CADM2: variants seen among roughly 807,000 people sequenced by gnomAD.
The protein encoded by CADM2 is cell adhesion molecule 2.
In CADM2, 12 loss-of-function variants were observed where a neutral mutation model predicts 49.8. The ratio of observed to expected loss-of-function variants is 0.24; its 90% CI spans 0.15 to 0.39. The LOEUF is 0.39. Ranked by LOEUF, CADM2 falls within the 10% of genes least tolerant of loss-of-function variation. The pLI is 1.00. For synonymous variants in CADM2, 214 were observed against 175.4 expected (o/e 1.22, Z -1.74); for missense variants, 378 against 492.3 (o/e 0.77, Z 2.20).
chr3:85,235,180 T>C (rs1318358270), intron 1 of CADM2, among the ~76,000 whole-genome samples: 1 of 152,138 alleles, frequency 6.6e-6, no homozygotes, highest in African/African-American at 2.4e-5. Flanking sequence ...TAAAACCTTA[T>C]AGAATATTTC....
intron 2 of CADM2, among the ~76,000 whole-genome samples, chr3:85,736,610 T>A (rs564886449): frequency 1.3e-5 from 2 of 152,276 alleles, no homozygotes; most frequent in South Asian, 4.1e-4. Context: ...GCCTTGATAT[T>A]TACAGGGTTT....
intron 1 of CADM2, among the ~76,000 whole-genome samples, chr3:85,092,771 G>A (rs776842648): frequency 9.9e-5 from 15 of 151,958 alleles, no homozygotes; most frequent in South Asian, 2.1e-4. Context: ...AATTCATTCT[G>A]CACATAGCTA....
intron 1 of CADM2, among the ~76,000 whole-genome samples, chr3:85,119,219 T>A (rs941743885): frequency 6.6e-6 from 1 of 152,104 alleles, no homozygotes; most frequent in African/African-American, 2.4e-5. Context: ...CAAGACTAGC[T>A]TGGGCAACAT....
chr3:85,736,694 G>A (rs965302072), intron 2 of CADM2, among the ~76,000 whole-genome samples: 1 of 152,040 alleles, frequency 6.6e-6, no homozygotes, highest in Non-Finnish European at 1.5e-5. Flanking sequence ...AAGAACAATG[G>A]GAAGCCATTA....
rs144210035 is a variant in CADM2, at chr3:85,974,541, C to T, written c.970+12894C>T. On this transcript the variant is annotated intron_variant, in intron 8 of 9. Coordinates refer to ENST00000383699, the MANE Select transcript of CADM2 (RefSeq NM_001167675.2). ...GGTGGTGCAGTTTTGGAGTTCCTAT[C>T]AGAGTCACGCAGGTTAAGCAGGAGA... 7.2e-5 allele frequency among the ~76,000 whole-genome samples: 11 copies of T among 151,728 alleles called. No individual in the cohort carries two copies. The East Asian group carries it at 2.2e-3, about 30-fold the overall frequency.
At chr3:85,867,989 C>G (rs1052804648) in intron 3 of CADM2, among the ~76,000 whole-genome samples, 1 of 152,014 alleles carries the variant, frequency 6.6e-6, no homozygotes, top group Admixed American at 6.5e-5. Context: ...TTCAAATAGT[C>G]AATTTCAATA....
chr3:85,241,897 C>G (rs2042538947), intron 1 of CADM2, among the ~76,000 whole-genome samples: 1 of 151,450 alleles, frequency 6.6e-6, no homozygotes, highest in South Asian at 2.1e-4. Flanking sequence ...AATAAATTTT[C>G]TGAACAATGT....
rs35500944 is a variant in CADM2, at chr3:85,518,422, C to CTTTT, written c.62-208089_62-208086dup. ...AACATTTCGTTTAAAACAATCTAGG[C>CTTTT]TTTTTTTTTTTTTTAAATCAAATCC... On this transcript the variant is annotated intron_variant, in intron 1 of 9. Transcript: ENST00000383699. Among the ~76,000 whole-genome samples, 615 of 142,578 alleles carry CTTTT rather than the reference C, an allele frequency of 4.3e-3. 5 individuals carry two copies. The highest frequency in any genetic ancestry group is 0.014 in the African/African-American group (560 of 39,478). 93.5% of individuals were successfully genotyped at this position (142,578 alleles called of 152,430 possible). A position where few individuals can be genotyped will look rare whatever the true frequency, so the allele number is the denominator to read the frequency against.
chr3:85,444,443 T>TCA (rs4053296), intron 1 of CADM2, among the ~76,000 whole-genome samples: 73,284 of 147,872 alleles, frequency 0.5, 21,208 homozygotes, highest in East Asian at 0.87. Flanking sequence ...TCCTACACAC[T>TCA]CACACACACA....
intron 3 of CADM2, among the ~76,000 whole-genome samples, chr3:85,835,529 A>G (rs900316418): frequency 6.6e-6 from 1 of 151,062 alleles, no homozygotes; most frequent in Non-Finnish European, 1.5e-5. Flanking sequence ...CTTCCCTGAT[A>G]TATCAAATAT....
chr3:85,487,940 T>G (rs2039498885), intron 1 of CADM2, among the ~76,000 whole-genome samples: 1 of 152,124 alleles, frequency 6.6e-6, no homozygotes, highest in Admixed American at 6.5e-5. Flanking sequence ...CCCTGCTAAT[T>G]TCACACCCCA....
intron 7 of CADM2, among the ~76,000 whole-genome samples, chr3:85,945,067 T>C (rs962739796): frequency 2.6e-5 from 4 of 151,616 alleles, no homozygotes; most frequent in Non-Finnish European, 5.9e-5. Flanking sequence ...AAGAATCAAA[T>C]AGATGCAATA....
chr3:85,694,876 C>G (rs1315586892), intron 1 of CADM2, among the ~76,000 whole-genome samples: 4 of 151,944 alleles, frequency 2.6e-5, no homozygotes, highest in Non-Finnish European at 4.4e-5. Flanking sequence ...ACAGAAGAAT[C>G]CCCAGAAGTT....
chr3:85,360,493 T>C (rs2032278966), intron 1 of CADM2, among the ~76,000 whole-genome samples: 1 of 152,322 alleles, frequency 6.6e-6, no homozygotes, highest in Admixed American at 6.5e-5. Flanking sequence ...TGCTGGTTGG[T>C]CATTACAACT....
At chr3:85,262,259 T>C (rs1283222972) in intron 1 of CADM2, among the ~76,000 whole-genome samples, 1 of 152,122 alleles carries the variant, frequency 6.6e-6, no homozygotes, top group Admixed American at 6.6e-5. Flanking sequence ...TTCAGGATTT[T>C]AATTTTATTC....
chr3:85,733,291 G>A (rs1379596505), intron 2 of CADM2, among the ~76,000 whole-genome samples: 1 of 152,214 alleles, frequency 6.6e-6, no homozygotes, highest in Non-Finnish European at 1.5e-5. Context: ...GAGGTAAGGA[G>A]TGTGCTCATA....
At chr3:85,007,427 C>T (rs2033785163) in intron 1 of CADM2, among the ~76,000 whole-genome samples, 1 of 152,058 alleles carries the variant, frequency 6.6e-6, no homozygotes, top group African/African-American at 2.4e-5. Flanking sequence ...ACTGTATTTA[C>T]AAAAGCAGAA....
intron 6 of CADM2, among the ~76,000 whole-genome samples, chr3:85,932,938 A>G (rs1211537270): frequency 6.6e-6 from 1 of 152,148 alleles, no homozygotes; most frequent in Non-Finnish European, 1.5e-5. Flanking sequence ...TTTGCTTATA[A>G]TGGAAATTCT....
At chr3:85,374,280 T>C (rs1322971979) in intron 1 of CADM2, among the ~76,000 whole-genome samples, 1 of 152,176 alleles carries the variant, frequency 6.6e-6, no homozygotes, top group Non-Finnish European at 1.5e-5. Flanking sequence ...CTCTCTCAAA[T>C]TCCAAGTTCC....
Sources: gnomAD v4.1 joint callset for allele counts (sites outside exome capture counted in the v4.1 genomes callset) on GRCh38, gnomAD v4.1.1 for gene constraint, MANE v1.5 for transcripts, NCBI Gene and HGNC (gene_info 2026-07-23, HGNC 2026-07-21) for gene names.